Variants in FBXL7 observed in about 807,000 individuals in gnomAD.
The protein encoded by FBXL7 is F-box/LRR-repeat protein 7.
In FBXL7, 12 loss-of-function variants were observed where a neutral mutation model predicts 38.3. The observed-to-expected ratio is 0.31, with a 90% CI of 0.20 to 0.51. The LOEUF is 0.51. Ranked by LOEUF, FBXL7 falls within the 20% of genes least tolerant of loss-of-function variation. The pLI, the probability that FBXL7 is intolerant of heterozygous loss-of-function variation, is 0.98. For synonymous variants in FBXL7, 297 were observed against 300.9 expected, an observed-to-expected ratio of 0.99 and a Z score of 0.13; for missense variants, 567 against 676.4, an observed-to-expected ratio of 0.84 and a Z score of 1.79.
At chr5:15,523,580 A>G (rs930394352) in intron 1 of FBXL7, among the ~76,000 whole-genome samples, 1 of 151,738 alleles carries the variant, frequency 6.6e-6, no homozygotes, top group Non-Finnish European at 1.5e-5. Flanking sequence ...AAAATCACAT[A>G]GTAGCTTGGA....
At chr5:15,517,147 C>T (rs1446123345) in intron 1 of FBXL7, among the ~76,000 whole-genome samples, 2 of 152,112 alleles carry the variant, frequency 1.3e-5, no homozygotes, top group Non-Finnish European at 2.9e-5. Flanking sequence ...CTGCCTCAGC[C>T]TCCAGAGTAG....
intron 2 of FBXL7, among the ~76,000 whole-genome samples, chr5:15,838,554 A>G (rs1738652467): frequency 6.6e-6 from 1 of 152,234 alleles, no homozygotes; most frequent in South Asian, 2.1e-4. Flanking sequence ...GATTTAGATA[A>G]GCACACCCTA....
At chr5:15,881,541 T>G (rs942542963) in intron 2 of FBXL7, among the ~76,000 whole-genome samples, 1 of 152,216 alleles carries the variant, frequency 6.6e-6, no homozygotes, top group East Asian at 1.9e-4. Flanking sequence ...AGTAGATACC[T>G]AGTAGTGGGA....
At chr5:15,702,338 C>G (rs1743552493) in intron 2 of FBXL7, among the ~76,000 whole-genome samples, 2 of 151,834 alleles carry the variant, frequency 1.3e-5, no homozygotes, top group Admixed American at 1.3e-4. Context: ...TAAAGTGAGA[C>G]TTTTTGGTTT....
At chr5:15,847,513 A>G (rs1045444803) in intron 2 of FBXL7, among the ~76,000 whole-genome samples, 4 of 152,178 alleles carry the variant, frequency 2.6e-5, no homozygotes, top group African/African-American at 9.7e-5. Flanking sequence ...GCCAAACCAT[A>G]TCAGCCCCCA....
At chr5:15,707,983 C>T (rs1354061639) in intron 2 of FBXL7, among the ~76,000 whole-genome samples, 1 of 152,184 alleles carries the variant, frequency 6.6e-6, no homozygotes, top group Non-Finnish European at 1.5e-5. Flanking sequence ...ATAAAAACAG[C>T]TTCTCTCTTT....
Position 15,822,424 on chromosome 5 carries a change from G to C in FBXL7, c.128-105466G>C, listed in dbSNP as rs541410970. Among the ~76,000 whole-genome samples the C allele has an allele frequency of 1.8e-4, 28 of 152,066 alleles. No individual in the cohort carries two copies. The South Asian group carries it at 5.2e-3, about 28-fold the overall frequency. On this transcript the variant is annotated intron_variant, in intron 2 of 3. Transcript: ENST00000504595. ...GGAGTGTGCAGACTCAGGCAATGAG[G>C]GCAACAGGCTGCTTTCCAGGGCAGC... is the stretch of plus-strand genomic sequence containing the variant.
chr5:15,778,491 T>C (rs1470901068), intron 2 of FBXL7, among the ~76,000 whole-genome samples: 3 of 152,068 alleles, frequency 2.0e-5, no homozygotes, highest in Non-Finnish European at 4.4e-5. Context: ...TCTAGACTAA[T>C]TAGTTAAGAA....
intron 2 of FBXL7, among the ~76,000 whole-genome samples, chr5:15,726,279 A>G (rs1579411193): frequency 1.3e-5 from 2 of 152,118 alleles, no homozygotes; most frequent in Admixed American, 1.3e-4. Flanking sequence ...CTTGCTGGCC[A>G]TGGTGGCACA....
At chr5:15,789,951 A>T (rs116612839) in intron 2 of FBXL7, among the ~76,000 whole-genome samples, 1 of 152,138 alleles carries the variant, frequency 6.6e-6, no homozygotes, top group African/African-American at 2.4e-5. Context: ...CAGATTCTGG[A>T]CCTTGAATTT....
intron 2 of FBXL7, among the ~76,000 whole-genome samples, chr5:15,656,047 A>C (rs1342539231): frequency 6.6e-6 from 1 of 152,184 alleles, no homozygotes; most frequent in East Asian, 1.9e-4. Context: ...AAATACTAAG[A>C]ACTTTTATTT....
At chr5:15,887,044 T>C (rs931315321) in intron 2 of FBXL7, among the ~76,000 whole-genome samples, 1 of 152,170 alleles carries the variant, frequency 6.6e-6, no homozygotes, top group Admixed American at 6.5e-5. Flanking sequence ...CAAATTGCTT[T>C]TTCTAAACAA....
At chr5:15,752,434 C>T (rs1256036494) in intron 2 of FBXL7, among the ~76,000 whole-genome samples, 1 of 152,028 alleles carries the variant, frequency 6.6e-6, no homozygotes, top group Non-Finnish European at 1.5e-5. Context: ...AGGTAGTTTT[C>T]ATGGGGAGAA....
chr5:15,738,985 G>T (rs974304388), intron 2 of FBXL7, among the ~76,000 whole-genome samples: 5 of 152,218 alleles, frequency 3.3e-5, no homozygotes, highest in Non-Finnish European at 5.9e-5. Context: ...CAGAAAAGGA[G>T]TGTCCCTTAA....
rs113175311 is a variant in FBXL7, at chr5:15,851,850, A to ACACACG, written c.128-76040_128-76039insCACACG. Among the ~76,000 whole-genome samples, 997 of 142,342 alleles carry ACACACG rather than the reference A, an allele frequency of 7.0e-3. 110 individuals are homozygous for ACACACG. Among genetic ancestry groups the ACACACG allele is most frequent in the African/African-American group, 0.022 (838 of 38,356 alleles). 93.4% of individuals were successfully genotyped at this position (142,342 alleles called of 152,430 possible). A position where few individuals can be genotyped will look rare whatever the true frequency, so the allele number is the denominator to read the frequency against. On this transcript the variant is annotated intron_variant, in intron 2 of 3. Transcript: ENST00000504595. ...CACACACACACACACACACACACAC[A>ACACACG]AAGTTCCTTGGCTAGTTTTTTTGTA...
intron 2 of FBXL7, among the ~76,000 whole-genome samples, chr5:15,780,819 A>G (rs773724743): frequency 1.3e-4 from 20 of 152,192 alleles, no homozygotes; most frequent in Non-Finnish European, 2.8e-4. Context: ...AACAAACCAG[A>G]GCAGGCATTG....
chr5:15,723,805 G>A (rs1205260434), intron 2 of FBXL7, among the ~76,000 whole-genome samples: 1 of 152,172 alleles, frequency 6.6e-6, no homozygotes, highest in Non-Finnish European at 1.5e-5. Context: ...TTATAAGCTG[G>A]TTCAAAACAG....
At chr5:15,569,555 C>G (rs1738699235) in intron 1 of FBXL7, among the ~76,000 whole-genome samples, 1 of 151,124 alleles carries the variant, frequency 6.6e-6, no homozygotes, top group East Asian at 1.9e-4. Flanking sequence ...ATTTGACTTC[C>G]TCTTTTCCTA....
At chr5:15,808,465 C>A (rs1259475387) in intron 2 of FBXL7, among the ~76,000 whole-genome samples, 1 of 152,122 alleles carries the variant, frequency 6.6e-6, no homozygotes, top group Non-Finnish European at 1.5e-5. Flanking sequence ...CCTGGACTTA[C>A]CCCGTTCTCA....
Sources: gnomAD v4.1 joint callset for allele counts (sites outside exome capture counted in the v4.1 genomes callset) on GRCh38, gnomAD v4.1.1 for gene constraint, MANE v1.5 for transcripts, NCBI Gene and HGNC (gene_info 2026-07-23, HGNC 2026-07-21) for gene names.